ABCB11: variants seen among roughly 807,000 people sequenced by gnomAD.
ABCB11 encodes ATP binding cassette subfamily B member 11.
ABCB11 carries 95 observed loss-of-function variants against 148.0 expected under a neutral mutation model. The observed-to-expected ratio is 0.64, with a 90% CI of 0.54 to 0.76. The LOEUF is 0.76. Ranked by LOEUF, ABCB11 falls within the 30% of genes least tolerant of loss-of-function variation. ABCB11 has a pLI of 0.00. For synonymous variants in ABCB11, 591 were observed against 555.4 expected (o/e 1.06, Z -0.90); for missense variants, 1,523 against 1,617.8 (o/e 0.94, Z 1.01).
At chr2:168,943,715 C>T (rs1692173354) in intron 21 of ABCB11, among the ~76,000 whole-genome samples, 1 of 151,946 alleles carries the variant, frequency 6.6e-6, no homozygotes, top group Admixed American at 6.6e-5. Context: ...CGTTGAAATT[C>T]TGCCATATCA....
In ABCB11 at chr2:168,971,966, G is replaced by C. The variant is rs1322694715; in HGVS notation, c.1519C>G (p.Leu507Val). The stretch of plus-strand genomic sequence containing the variant: ...TTTTCTGCAATGGTGGTAGAGAACA[G>C]AACTGGCTCTTGCTCCACTATCCCA... ...QIGIVEQEPV[L>V]FSTTIAENIR... Residue 507 changes from leucine (L) to valine (V), a missense_variant, in exon 14 of 28, where the codon CTG (leucine) becomes GTG (valine). Coordinates refer to ENST00000650372, the MANE Select transcript of ABCB11 (RefSeq NM_003742.4). 2 of 1,612,934 alleles carry C rather than the reference G, an allele frequency of 1.2e-6. No individual in the cohort carries two copies. Among genetic ancestry groups the C allele is most frequent in the Non-Finnish European group, 1.7e-6 (2 of 1,179,412 alleles).
chr2:169,021,498 C>A (rs1695538123), intron 1 of ABCB11, among the ~76,000 whole-genome samples: 2 of 152,026 alleles, frequency 1.3e-5, no homozygotes, highest in African/African-American at 2.4e-5. Flanking sequence ...ATATACCCAG[C>A]AACCTAACAC....
Position 168,973,745 on chromosome 2 carries a change from A to T in ABCB11, c.1404T>A (p.Ile468=), listed in dbSNP as rs34200464. The change falls in exon 13 of 28, where the codon ATT becomes ATA. Residue 468 remains isoleucine (I), a synonymous_variant. Transcript: ENST00000650372. ...CTTCACAGGGGTCATAGAATCGCTG[A>T]ATGAGTTGCAGTGCTGTACTTTTTC... The part of the protein sequence containing the change: ...GAGKSTALQL[I]QRFYDPCEGM... 75 of 1,612,186 alleles carry T rather than the reference A, an allele frequency of 4.7e-5. 1 individual carries two copies. In the South Asian group the frequency reaches 7.9e-4, roughly 17 times the overall value.
At chr2:168,932,788 C>T (rs1691636609) in intron 23 of ABCB11, among the ~76,000 whole-genome samples, 1 of 152,048 alleles carries the variant, frequency 6.6e-6, no homozygotes, top group Non-Finnish European at 1.5e-5. Context: ...GACCTCCAAA[C>T]CTTTATTTGA....
intron 19 of ABCB11, among the ~76,000 whole-genome samples, chr2:168,946,418 T>G (rs1692322649): frequency 6.6e-6 from 1 of 151,560 alleles, no homozygotes; most frequent in South Asian, 2.1e-4. Flanking sequence ...ACAAAGTGAG[T>G]AGGAGGGGTT....
At chr2:169,026,900 T>A (rs1445435681) in intron 1 of ABCB11, among the ~76,000 whole-genome samples, 1 of 152,186 alleles carries the variant, frequency 6.6e-6, no homozygotes, top group Non-Finnish European at 1.5e-5. Flanking sequence ...TGCCACATTA[T>A]TTTTCCTCAC....
At chr2:169,012,826 C>G (rs1313146754) in intron 5 of ABCB11, among the ~76,000 whole-genome samples, 5 of 151,556 alleles carry the variant, frequency 3.3e-5, no homozygotes, top group Non-Finnish European at 5.9e-5. Context: ...GCAGCCTGTT[C>G]ATGAAATTCC....
At chr2:168,929,637 G>T (rs1463260430) in intron 25 of ABCB11, among the ~76,000 whole-genome samples, 2 of 152,176 alleles carry the variant, frequency 1.3e-5, no homozygotes, top group Admixed American at 6.6e-5. Context: ...GAAGTAAGAG[G>T]TGAAAAGAGT....
intron 18 of ABCB11, 100 bp from the exon 19 acceptor site, chr2:168,958,228 A>G: frequency 8.6e-7 from 1 of 1,167,442 alleles, no homozygotes; most frequent in Non-Finnish European, 1.2e-6. Context: ...TAGTTTGATT[A>G]GTTATGAGTG....
intron 1 of ABCB11, among the ~76,000 whole-genome samples, chr2:169,023,780 C>A (rs985009216): frequency 5.3e-5 from 8 of 152,098 alleles, no homozygotes; most frequent in African/African-American, 1.7e-4. Context: ...ACTGAATTAA[C>A]GATAGTGGTT....
chr2:168,917,338 A>G (rs1261982751), downstream of ABCB11, among the ~76,000 whole-genome samples: 2 of 152,194 alleles, frequency 1.3e-5, no homozygotes, highest in African/African-American at 2.4e-5. Context: ...AAGTTGGAAG[A>G]TGTGCTGCTT....
At chr2:168,975,081 AT>A (rs988763336) in intron 12 of ABCB11, among the ~76,000 whole-genome samples, 17 of 125,832 alleles carry the variant, frequency 1.4e-4, no homozygotes, top group Admixed American at 8.2e-4. Context: ...ATATATAAAT[AT>A]TTTTATATTT....
At chr2:168,969,098 CT>C (rs1693445824) in intron 16 of ABCB11, among the ~76,000 whole-genome samples, 1 of 141,018 alleles carries the variant, frequency 7.1e-6, no homozygotes, top group Admixed American at 7.2e-5. Flanking sequence ...TAGGAAGCCT[CT>C]TCTATTTGCG....
At chr2:168,964,115 T>C in intron 18 of ABCB11, 91 bp downstream of exon 18, 1 of 916,250 alleles carries the variant, frequency 1.1e-6, no homozygotes, top group Non-Finnish European at 1.7e-6. Flanking sequence ...GATATATACC[T>C]AGAAAACTCA....
intron 12 of ABCB11, among the ~76,000 whole-genome samples, chr2:168,974,571 G>A (rs1266218949): frequency 6.6e-6 from 1 of 151,904 alleles, no homozygotes; most frequent in Non-Finnish European, 1.5e-5. Context: ...TTACTGGCCT[G>A]TATTGGACTG....
chr2:168,974,195 ATTAG>A (rs377269924), intron 12 of ABCB11, among the ~76,000 whole-genome samples: 10 of 152,000 alleles, frequency 6.6e-5, no homozygotes, highest in African/African-American at 1.7e-4. Flanking sequence ...GACTATGCCA[ATTAG>A]TTAAAGAAAA....
chr2:168,922,721 G>C lies in ABCB11; in HGVS notation c.*901C>G, dbSNP rs1460929408. Among the ~76,000 whole-genome samples, 1 of 152,150 alleles carries C rather than the reference G, an allele frequency of 6.6e-6. No homozygotes were observed. The highest frequency in any genetic ancestry group is 1.5e-5 in the Non-Finnish European group (1 of 68,024). On this transcript the variant is annotated 3_prime_UTR_variant, in exon 28 of 28. Coordinates refer to ENST00000650372, the MANE Select transcript of ABCB11 (RefSeq NM_003742.4). The stretch of plus-strand genomic sequence containing the variant: ...TATGTCATTCTGTGGTGTTTTGAGG[G>C]AGCAGGGGCAAATGAGTGCTTTTCT...
intron 5 of ABCB11, among the ~76,000 whole-genome samples, chr2:169,010,222 G>A (rs1053333498): frequency 6.6e-6 from 1 of 152,124 alleles, no homozygotes; most frequent in Non-Finnish European, 1.5e-5. Context: ...CCATTTGAGT[G>A]TTTACACTTT....
intron 1 of ABCB11, among the ~76,000 whole-genome samples, chr2:169,018,374 G>T (rs1695428566): frequency 6.6e-6 from 1 of 152,132 alleles, no homozygotes; most frequent in South Asian, 2.1e-4. Context: ...TACATGGATG[G>T]TTGTTTTTTA....
Sources: gnomAD v4.1 joint callset for allele counts (sites outside exome capture counted in the v4.1 genomes callset) on GRCh38, gnomAD v4.1.1 for gene constraint, MANE v1.5 for transcripts, NCBI Gene and HGNC (gene_info 2026-07-23, HGNC 2026-07-21) for gene names.